Variants in LDB2 observed in about 807,000 individuals in gnomAD.
The protein encoded by LDB2 is LIM domain-binding protein 2.
A neutral mutation model predicts 44.3 loss-of-function variants in LDB2; 12 were observed. That is an observed-to-expected ratio of 0.27 (90% CI 0.17 to 0.44). The LOEUF (loss-of-function observed/expected upper bound fraction) is 0.44, where lower values mean the gene tolerates loss of function less well. Among genes scored for constraint, LDB2 ranks in the 20% least tolerant of loss-of-function variants. The pLI is 1.00. For missense variants in LDB2, 344 were observed against 473.5 expected (o/e 0.73, Z 2.54); for synonymous variants, 164 against 174.8 (o/e 0.94, Z 0.49).
intron 1 of LDB2, among the ~76,000 whole-genome samples, chr4:16,896,730 C>T (rs915756371): frequency 2.0e-5 from 3 of 152,106 alleles, no homozygotes; most frequent in African/African-American, 4.8e-5. Context: ...TGTGCCTGAA[C>T]TATAAGACAT....
At chr4:16,560,638 A>T (rs545389591) in intron 5 of LDB2, among the ~76,000 whole-genome samples, 1 of 152,236 alleles carries the variant, frequency 6.6e-6, no homozygotes. Flanking sequence ...TACCAGAGGT[A>T]CAAGGAGGAA....
chr4:16,593,577 A>G (rs1285554056), intron 3 of LDB2, among the ~76,000 whole-genome samples: 1 of 152,224 alleles, frequency 6.6e-6, no homozygotes, highest in South Asian at 2.1e-4. Context: ...AAGTCCATGA[A>G]ACTGAGCTCC....
chr4:16,874,441 T>C (rs1435377039), intron 1 of LDB2, among the ~76,000 whole-genome samples: 1 of 152,188 alleles, frequency 6.6e-6, no homozygotes, highest in East Asian at 1.9e-4. Context: ...TGTCAAGCCA[T>C]CATTGTCATT....
At chr4:16,786,637 A>T (rs1233628057) in intron 1 of LDB2, among the ~76,000 whole-genome samples, 1 of 152,226 alleles carries the variant, frequency 6.6e-6, no homozygotes, top group Non-Finnish European at 1.5e-5. Flanking sequence ...TAAGAGTCAC[A>T]TAGTTGGCAC....
At chr4:16,655,976 T>C (rs929203431) in intron 2 of LDB2, among the ~76,000 whole-genome samples, 4 of 138,136 alleles carry the variant, frequency 2.9e-5, no homozygotes, top group African/African-American at 1.1e-4. Context: ...CTCAGCTCAC[T>C]GCAAGCTCCA....
intron 1 of LDB2, among the ~76,000 whole-genome samples, chr4:16,882,532 T>A (rs1023985749): frequency 1.3e-5 from 2 of 152,144 alleles, no homozygotes; most frequent in African/African-American, 4.8e-5. Context: ...GTATCTGGTA[T>A]CCCTTCAAGG....
At chr4:16,742,435 G>T (rs1225552524) in intron 2 of LDB2, among the ~76,000 whole-genome samples, 2 of 152,164 alleles carry the variant, frequency 1.3e-5, no homozygotes, top group Non-Finnish European at 1.5e-5. Flanking sequence ...CTGGTTTAAT[G>T]TGTAGCTTAC....
intron 2 of LDB2, among the ~76,000 whole-genome samples, chr4:16,671,623 A>G (rs547966791): frequency 1.3e-5 from 2 of 152,222 alleles, no homozygotes; most frequent in South Asian, 4.2e-4. Context: ...GCCAACATTG[A>G]TGGGAACTTG....
At chr4:16,650,306 G>A (rs371234707) in intron 2 of LDB2, among the ~76,000 whole-genome samples, 3 of 152,308 alleles carry the variant, frequency 2.0e-5, no homozygotes, top group African/African-American at 7.2e-5. Context: ...CATTGGGTCA[G>A]TAGCACAGTA....
intron 2 of LDB2, among the ~76,000 whole-genome samples, chr4:16,690,705 A>G (rs1750554872): frequency 6.6e-6 from 1 of 152,170 alleles, no homozygotes; most frequent in Admixed American, 6.5e-5. Flanking sequence ...GCAAACAAAA[A>G]TGTAAATCCT....
At position 16,898,512 on chromosome 4, in the gene LDB2, A is replaced by G. The variant is rs1315678136; in HGVS notation, c.-27T>C. 6.2e-7 allele frequency: 1 copy of G among 1,611,848 alleles called. No individual in the cohort carries two copies. On this transcript the variant is annotated 5_prime_UTR_variant, in exon 1 of 8. Coordinates refer to ENST00000304523, the MANE Select transcript of LDB2 (RefSeq NM_001290.5). ...TTGCCTGCTTTTCGAAAATCAAGCT[A>G]AACAGAGTATCAGTAACGTCCATGC...
intron 2 of LDB2, among the ~76,000 whole-genome samples, chr4:16,604,835 C>T (rs780870182): frequency 6.6e-6 from 1 of 152,052 alleles, no homozygotes; most frequent in Non-Finnish European, 1.5e-5. Context: ...TATCGAACAC[C>T]TTTTGCACTC....
intron 5 of LDB2, among the ~76,000 whole-genome samples, chr4:16,555,737 C>T (rs894381470): frequency 2.0e-5 from 3 of 152,208 alleles, no homozygotes. Context: ...ACAGATGTAT[C>T]TGCTCTCACT....
At chr4:16,835,867 G>T (rs1365839750) in intron 1 of LDB2, among the ~76,000 whole-genome samples, 3 of 152,160 alleles carry the variant, frequency 2.0e-5, no homozygotes, top group Non-Finnish European at 4.4e-5. Flanking sequence ...TCTCCTTCCT[G>T]CTCTACCAGA....
rs191516831 is a variant in LDB2 at position 16,655,037 on chromosome 4, C to T, written c.236-59162G>A. Among the ~76,000 whole-genome samples the T allele has an allele frequency of 1.3e-4, 20 of 152,166 alleles. No homozygotes were observed. In the East Asian group the frequency reaches 1.7e-3, roughly 13 times the overall value. On this transcript the variant is annotated intron_variant, in intron 2 of 7. Transcript: ENST00000304523. ...TTTTGAAACTTCAAAGAGATTCGAA[C>T]GAAATCTGCACCTATTTTGCCCGAT...
At chr4:16,632,067 T>G (rs960856079) in intron 2 of LDB2, among the ~76,000 whole-genome samples, 1 of 152,088 alleles carries the variant, frequency 6.6e-6, no homozygotes, top group Non-Finnish European at 1.5e-5. Flanking sequence ...AAAGAGGGAA[T>G]CCTCCCTAAC....
intron 1 of LDB2, among the ~76,000 whole-genome samples, chr4:16,896,781 A>T (rs906860754): frequency 6.6e-6 from 1 of 152,178 alleles, no homozygotes; most frequent in African/African-American, 2.4e-5. Flanking sequence ...GTGTCAACCA[A>T]TGGTTTATGC....
At chr4:16,802,715 G>C (rs555432488) in intron 1 of LDB2, among the ~76,000 whole-genome samples, 1 of 152,238 alleles carries the variant, frequency 6.6e-6, no homozygotes, top group African/African-American at 2.4e-5. Flanking sequence ...TAATTCCCAC[G>C]TGTTGTGGGA....
intron 2 of LDB2, among the ~76,000 whole-genome samples, chr4:16,619,590 G>T (rs367792758): frequency 6.6e-6 from 1 of 152,148 alleles, no homozygotes. Context: ...TGAAGATGAG[G>T]GATTTGCAGC....
Sources: gnomAD v4.1 joint callset for allele counts (sites outside exome capture counted in the v4.1 genomes callset) on GRCh38, gnomAD v4.1.1 for gene constraint, MANE v1.5 for transcripts, NCBI Gene and HGNC (gene_info 2026-07-23, HGNC 2026-07-21) for gene names.